Variants in DPYSL2 observed in about 807,000 individuals in gnomAD.
The protein encoded by DPYSL2 is dihydropyrimidinase like 2, also known as dihydropyrimidinase-related protein 2.
In DPYSL2, 13 loss-of-function variants were observed where a neutral mutation model predicts 69.9. That is an observed-to-expected ratio of 0.19 (90% CI 0.12 to 0.30). DPYSL2 has a LOEUF of 0.30. Among genes scored for constraint, DPYSL2 ranks in the 10% least tolerant of loss-of-function variants. The pLI, the probability that DPYSL2 is intolerant of heterozygous loss-of-function variation, is 1.00. For synonymous variants in DPYSL2, 326 were observed against 359.1 expected, an observed-to-expected ratio of 0.91 and a Z score of 1.04; for missense variants, 587 against 918.9, an observed-to-expected ratio of 0.64 and a Z score of 4.67.
chr8:26,612,851 G>A (rs1802263148), intron 3 of DPYSL2, among the ~76,000 whole-genome samples: 1 of 152,216 alleles, frequency 6.6e-6, no homozygotes, highest in African/African-American at 2.4e-5. Flanking sequence ...CCCAGTTTGG[G>A]GTTTGAGCTC....
intron 1 of DPYSL2, among the ~76,000 whole-genome samples, chr8:26,576,419 T>A (rs1325050584): frequency 6.7e-6 from 1 of 149,756 alleles, no homozygotes; most frequent in African/African-American, 2.5e-5. Flanking sequence ...TCCTTCGACC[T>A]CAAGCAGAGA....
intron 8 of DPYSL2, chr8:26,637,564 G>T (rs1323906338): frequency 6.6e-6 from 1 of 152,168 alleles, no homozygotes. Context: ...GTCTGTTGGG[G>T]CTTAGTTCCT....
intron 1 of DPYSL2, among the ~76,000 whole-genome samples, chr8:26,529,260 C>CTATA (rs755507620): frequency 6.7e-6 from 1 of 149,016 alleles, no homozygotes; most frequent in African/African-American, 2.5e-5. Context: ...ATCTATCTAT[C>CTATA]TATCTATCTA....
intron 1 of DPYSL2, among the ~76,000 whole-genome samples, chr8:26,538,762 C>A (rs1225636992): frequency 6.6e-6 from 1 of 152,168 alleles, no homozygotes. Context: ...ATGCCTCAGA[C>A]ACCAGCACAG....
rs1800544550 is a variant in DPYSL2 at position 26,533,569 on chromosome 8, A to G, written c.354+18890A>G. 6.6e-6 allele frequency among the ~76,000 whole-genome samples: 1 copy of G among 152,210 alleles called. No homozygotes were observed. The highest frequency in any genetic ancestry group is 1.5e-5 in the Non-Finnish European group (1 of 68,044). On this transcript the variant is annotated intron_variant, in intron 1 of 13. Transcript: ENST00000521913. This position sits in a 1 kb window ranked among gnomAD's most constrained non-coding sequence, Gnocchi z 4.8. ...TGGTATGAGACAGGGGTCTAACTTC[A>G]TTATTTTGCCTGTGGATGTCCAGTT...
intron 3 of DPYSL2, among the ~76,000 whole-genome samples, chr8:26,618,005 T>C (rs1308670734): frequency 6.6e-6 from 1 of 152,166 alleles, no homozygotes; most frequent in Non-Finnish European, 1.5e-5. Context: ...AGCATGTGAA[T>C]TATACCTCAA....
At chr8:26,515,140 C>T (rs1808256763) in intron 1 of DPYSL2, among the ~76,000 whole-genome samples, 3 of 152,134 alleles carry the variant, frequency 2.0e-5, no homozygotes, top group Admixed American at 6.5e-5. Context: ...GGGGTTCGGA[C>T]GGCCGCTCCC....
intron 3 of DPYSL2, among the ~76,000 whole-genome samples, chr8:26,594,623 A>G (rs1033680953): frequency 6.6e-6 from 1 of 152,058 alleles, no homozygotes; most frequent in Non-Finnish European, 1.5e-5. Flanking sequence ...TATCTGTTTT[A>G]CTTATCCTAA....
Position 26,514,314 on chromosome 8 carries a change from A to T in DPYSL2, c.-12A>T. ...GGACGGACGGCGAGGACCCTACCCG[A>T]GCCCCCGAGCCATGGCCGAGAGAAA... is the stretch of plus-strand genomic sequence containing the variant. On this transcript the variant is annotated 5_prime_UTR_variant, in exon 1 of 14. Coordinates refer to ENST00000521913, the MANE Select transcript of DPYSL2 (RefSeq NM_001197293.3). This position sits in a 1 kb window ranked among gnomAD's most constrained non-coding sequence, Gnocchi z 8.4. The T allele has an allele frequency of 6.9e-7, 1 of 1,439,388 alleles. No individual in the cohort carries two copies. Among genetic ancestry groups the T allele is most frequent in the Non-Finnish European group, 9.1e-7 (1 of 1,098,188 alleles). 89.2% of individuals were successfully genotyped at this position (1,439,388 alleles called of 1,614,324 possible).
intron 3 of DPYSL2, among the ~76,000 whole-genome samples, chr8:26,603,077 G>C (rs1802028623): frequency 1.3e-5 from 2 of 152,206 alleles, no homozygotes; most frequent in Admixed American, 1.3e-4. Flanking sequence ...TTGACCATAG[G>C]ATGTTTGAGT....
intron 1 of DPYSL2, among the ~76,000 whole-genome samples, chr8:26,521,477 T>C (rs75874521): frequency 5.4e-5 from 1 of 18,548 alleles, no homozygotes; most frequent in Admixed American, 2.0e-3. Flanking sequence ...TGGCTGTTCT[T>C]TTTTTTTTTT....
In DPYSL2 at chr8:26,652,028, T is replaced by C. The variant is rs998328230; in HGVS notation, c.1597-229T>C. On this transcript the variant is annotated intron_variant, in intron 11 of 13. Coordinates refer to ENST00000521913, the MANE Select transcript of DPYSL2 (RefSeq NM_001197293.3). The surrounding 1 kb of genome is among the most constrained non-coding windows in gnomAD (Gnocchi z 6.3). ...GCACCCTTTTCACACAATTATTCTGTTTAATTATTTTTCTTTCTAATGTGG... is the reference window on the plus strand; with the variant it reads ...GCACCCTTTTCACACAATTATTCTGCTTAATTATTTTTCTTTCTAATGTGG... Among the ~76,000 whole-genome samples the C allele has an allele frequency of 6.6e-6, 1 of 152,242 alleles. No homozygotes were observed. The highest frequency in any genetic ancestry group is 1.5e-5 in the Non-Finnish European group (1 of 68,032).
Position 26,655,720 on chromosome 8 carries a change from T to A in DPYSL2, c.*14T>A. Reference sequence around the variant, plus strand: ...AGCCTGGGCTAGAGCTCCTGGGCTGTGCCGTCCACTGGGGACTGGGGATGG... The same window carrying A: ...AGCCTGGGCTAGAGCTCCTGGGCTGAGCCGTCCACTGGGGACTGGGGATGG... On this transcript the variant is annotated 3_prime_UTR_variant, in exon 14 of 14. Coordinates refer to ENST00000521913, the MANE Select transcript of DPYSL2 (RefSeq NM_001197293.3). The A allele has an allele frequency of 6.3e-7, 1 of 1,588,886 alleles. No homozygotes were observed. Among genetic ancestry groups the A allele is most frequent in the Non-Finnish European group, 8.6e-7 (1 of 1,168,740 alleles).
intron 10 of DPYSL2, among the ~76,000 whole-genome samples, chr8:26,646,376 G>A (rs370475523): frequency 5.9e-5 from 9 of 152,022 alleles, no homozygotes; most frequent in Non-Finnish European, 5.9e-5. Flanking sequence ...TGCTTTATAC[G>A]CCACCACCAA....
intron 1 of DPYSL2, among the ~76,000 whole-genome samples, chr8:26,568,511 A>C (rs1801187215): frequency 6.6e-6 from 1 of 152,220 alleles, no homozygotes. Context: ...ATTTATTTAC[A>C]GGAAAGGTCA....
At chr8:26,638,711 A>T (rs1802973791) in intron 8 of DPYSL2, among the ~76,000 whole-genome samples, 2 of 152,234 alleles carry the variant, frequency 1.3e-5, no homozygotes, top group South Asian at 4.1e-4. Context: ...CTTGAAAAGA[A>T]CTTAGACATT....
Position 26,582,064 on chromosome 8 carries a change from G to A in DPYSL2, c.443+7G>A. The A allele has an allele frequency of 1.9e-6, 3 of 1,607,542 alleles. No homozygotes were observed. Among genetic ancestry groups the A allele is most frequent in the East Asian group, 2.2e-5 (1 of 44,834 alleles). ...TGGAAGATGGGTTGATCAAGTAAGTGTAACTCATGATATACAGATGTATTT... is the reference window on the plus strand; with the variant it reads ...TGGAAGATGGGTTGATCAAGTAAGTATAACTCATGATATACAGATGTATTT... On this transcript the variant is annotated splice_region_variant and intron_variant, in intron 2 of 13. Transcript: ENST00000521913. This position sits in a 1 kb window ranked among gnomAD's most constrained non-coding sequence, Gnocchi z 4.1.
At chr8:26,529,292 TATCTATCTATC>T (rs1800454778) in intron 1 of DPYSL2, among the ~76,000 whole-genome samples, 3 of 150,424 alleles carry the variant, frequency 2.0e-5, no homozygotes, top group African/African-American at 4.9e-5. Flanking sequence ...TCTATCTATC[TATCTATCTATC>T]ATCTATCTAT....
At chr8:26,615,232 A>G (rs1438398479) in intron 3 of DPYSL2, among the ~76,000 whole-genome samples, 1 of 152,230 alleles carries the variant, frequency 6.6e-6, no homozygotes, top group Non-Finnish European at 1.5e-5. Flanking sequence ...GAGAGAATCC[A>G]TGGAAGATGT....
Sources: allele counts gnomAD v4.1 joint callset (sites outside exome capture counted in the v4.1 genomes callset), GRCh38; gene constraint gnomAD v4.1.1; non-coding constraint Gnocchi (gnomAD v3.1); transcripts MANE v1.5; gene names NCBI Gene and HGNC (gene_info 2026-07-23, HGNC 2026-07-21).